Variants in TENM2 observed in about 807,000 individuals in gnomAD.
TENM2 encodes teneurin transmembrane protein 2, also known as teneurin-2.
A neutral mutation model predicts 245.2 loss-of-function variants in TENM2; 52 were observed. That is an observed-to-expected ratio of 0.21 (90% CI 0.17 to 0.27). TENM2 has a LOEUF of 0.27. Ranked by LOEUF, TENM2 falls within the 10% of genes least tolerant of loss-of-function variation. TENM2 has a pLI of 1.00. For synonymous variants in TENM2, 1,363 were observed against 1,438.9 expected (o/e 0.95, Z 1.19); for missense variants, 3,046 against 3,666.8 (o/e 0.83, Z 4.37).
intron 12 of TENM2, among the ~76,000 whole-genome samples, chr5:168,151,539 C>G (rs1756656438): frequency 6.6e-6 from 1 of 152,128 alleles, no homozygotes; most frequent in Non-Finnish European, 1.5e-5. Context: ...TGTCAGCGAC[C>G]CTCTGGGGTT....
At chr5:167,379,940 A>AAAC (rs1383252724) in intron 2 of TENM2, among the ~76,000 whole-genome samples, 1 of 151,782 alleles carries the variant, frequency 6.6e-6, no homozygotes, top group African/African-American at 2.4e-5. Context: ...CCAAAAAAAA[A>AAAC]AAAAACCCAG....
chr5:167,948,157 AACT>A (rs1367753099), intron 3 of TENM2, among the ~76,000 whole-genome samples: 1 of 152,260 alleles, frequency 6.6e-6, no homozygotes, highest in African/African-American at 2.4e-5. Flanking sequence ...CCGTGTGAGC[AACT>A]CTAATGGAGT....
intron 1 of TENM2, among the ~76,000 whole-genome samples, chr5:167,358,461 C>G (rs1201943414): frequency 1.7e-5 from 1 of 59,056 alleles, no homozygotes; most frequent in Middle Eastern, 9.1e-3. Flanking sequence ...ACAGGTCACT[C>G]CTTTCTTCTT....
At chr5:167,067,576 G>A in the TENM2 span, among the ~76,000 whole-genome samples, 7 of 152,112 alleles carry the variant, frequency 4.6e-5, no homozygotes, top group African/African-American at 1.7e-4. Context: ...GAATGGAAGT[G>A]GTTTTGGAGG....
chr5:167,894,207 A>G (rs1247998308), intron 3 of TENM2, among the ~76,000 whole-genome samples: 3 of 152,200 alleles, frequency 2.0e-5, no homozygotes, highest in Admixed American at 1.3e-4. Context: ...GGATGGATGG[A>G]TAGATGATGA....
chr5:167,108,387 A>G, the TENM2 span, among the ~76,000 whole-genome samples: 2 of 152,090 alleles, frequency 1.3e-5, no homozygotes, highest in East Asian at 1.9e-4. Context: ...TGGCCTCCCA[A>G]AGTGCTAGGA....
At chr5:168,087,272 A>T (rs1049252630) in intron 7 of TENM2, 1 of 152,202 alleles carries the variant, frequency 6.6e-6, no homozygotes, top group Non-Finnish European at 1.5e-5. Flanking sequence ...CCAACAGAAG[A>T]TGCTACCATC....
At chr5:167,897,939 A>C (rs1775360201) in intron 3 of TENM2, among the ~76,000 whole-genome samples, 1 of 139,476 alleles carries the variant, frequency 7.2e-6, no homozygotes, top group African/African-American at 2.8e-5. Flanking sequence ...GTACTACCTT[A>C]AACATTGGAA....
At chr5:167,580,603 G>C (rs1035598470) in intron 2 of TENM2, among the ~76,000 whole-genome samples, 1 of 152,240 alleles carries the variant, frequency 6.6e-6, no homozygotes, top group East Asian at 1.9e-4. Context: ...TGCCAGAAAC[G>C]CTGTTACTGC....
chr5:167,392,902 T>A (rs1220347708), intron 2 of TENM2, among the ~76,000 whole-genome samples: 1 of 152,052 alleles, frequency 6.6e-6, no homozygotes, highest in Non-Finnish European at 1.5e-5. Context: ...TGCGGGTGGA[T>A]CAGGAGGTCA....
chr5:167,674,684 G>A (rs948976595), intron 2 of TENM2, among the ~76,000 whole-genome samples: 1 of 152,052 alleles, frequency 6.6e-6, no homozygotes, highest in Non-Finnish European at 1.5e-5. Context: ...TCTTGGGGTG[G>A]ATCAAGTGAG....
At chr5:167,829,644 T>C (rs1408549770) in intron 2 of TENM2, among the ~76,000 whole-genome samples, 1 of 152,222 alleles carries the variant, frequency 6.6e-6, no homozygotes, top group Non-Finnish European at 1.5e-5. Context: ...ATAATAATTA[T>C]ACATTTTTTT....
intron 12 of TENM2, among the ~76,000 whole-genome samples, chr5:168,152,467 G>A (rs182769112): frequency 4.7e-4 from 72 of 152,284 alleles, no homozygotes; most frequent in African/African-American, 1.7e-3. Context: ...GTGCCCACAG[G>A]CCTCCTCGGT....
chr5:167,298,373 G>C (rs1320421425), intron 1 of TENM2, among the ~76,000 whole-genome samples: 2 of 152,224 alleles, frequency 1.3e-5, no homozygotes, highest in African/African-American at 4.8e-5. Context: ...GGAGGCCGAG[G>C]GGGGCGGATC....
the TENM2 span, among the ~76,000 whole-genome samples, chr5:166,995,689 G>T: frequency 6.6e-6 from 1 of 151,364 alleles, no homozygotes; most frequent in Non-Finnish European, 1.5e-5. Flanking sequence ...GGTGGCAGGT[G>T]CCTATAATCC....
the TENM2 span, among the ~76,000 whole-genome samples, chr5:167,162,133 C>T: frequency 6.6e-6 from 1 of 150,604 alleles, no homozygotes; most frequent in Admixed American, 6.6e-5. Flanking sequence ...GATCACACCA[C>T]TGCACTCCAG....
At chr5:167,890,715 G>T (rs1774680793) in intron 3 of TENM2, among the ~76,000 whole-genome samples, 1 of 152,120 alleles carries the variant, frequency 6.6e-6, no homozygotes, top group Admixed American at 6.5e-5. Flanking sequence ...ATTCATGTAT[G>T]AGATTTGCAT....
At chr5:168,120,286 A>G (rs1340248646) in intron 10 of TENM2, among the ~76,000 whole-genome samples, 1 of 152,212 alleles carries the variant, frequency 6.6e-6, no homozygotes, top group Admixed American at 6.5e-5. Flanking sequence ...TGTCTGCATC[A>G]TAAAGAATTG....
chr5:167,880,986 A>G (rs927929962), intron 3 of TENM2, among the ~76,000 whole-genome samples: 8 of 152,222 alleles, frequency 5.3e-5, no homozygotes, highest in African/African-American at 1.9e-4. Flanking sequence ...CATAGAGGTT[A>G]GAATTGACAT....
Sources: gnomAD v4.1 joint callset for allele counts (sites outside exome capture counted in the v4.1 genomes callset) on GRCh38, gnomAD v4.1.1 for gene constraint, MANE v1.5 for transcripts, NCBI Gene and HGNC (gene_info 2026-07-23, HGNC 2026-07-21) for gene names.